LRMDA: variants seen among roughly 807,000 people sequenced by gnomAD.
The protein encoded by LRMDA is leucine-rich melanocyte differentiation-associated protein.
Under a neutral mutation model 29.8 loss-of-function variants are expected in LRMDA, and 18 were observed. That is an observed-to-expected ratio of 0.60 (90% CI 0.42 to 0.90). The LOEUF (loss-of-function observed/expected upper bound fraction) is 0.90, where lower values mean the gene tolerates loss of function less well. LRMDA is among the 40% of genes least tolerant of loss of function. LRMDA has a pLI of 0.00. For missense variants in LRMDA, 273 were observed against 273.9 expected, an observed-to-expected ratio of 1.00 and a Z score of 0.02; for synonymous variants, 125 against 109.4, an observed-to-expected ratio of 1.14 and a Z score of -0.89.
At chr10:76,527,717 T>C (rs1344258131) in intron 6 of LRMDA, among the ~76,000 whole-genome samples, 1 of 152,182 alleles carries the variant, frequency 6.6e-6, no homozygotes, top group Non-Finnish European at 1.5e-5. Flanking sequence ...GTGTTAGCTA[T>C]AATTATTATA....
chr10:76,408,386 C>T (rs1841924006), intron 6 of LRMDA, among the ~76,000 whole-genome samples: 1 of 152,076 alleles, frequency 6.6e-6, no homozygotes. Context: ...ATAATTCTGA[C>T]CTCTGTGGAG....
chr10:75,662,818 C>T (rs1841771002), intron 2 of LRMDA, among the ~76,000 whole-genome samples: 1 of 152,134 alleles, frequency 6.6e-6, no homozygotes, highest in South Asian at 2.1e-4. Context: ...TTTTTGGCAG[C>T]CTGGAGAATA....
At chr10:75,663,366 C>G (rs1319161869) in intron 2 of LRMDA, among the ~76,000 whole-genome samples, 1 of 152,172 alleles carries the variant, frequency 6.6e-6, no homozygotes, top group Non-Finnish European at 1.5e-5. Context: ...AAAGGATTCT[C>G]TGATTACCAA....
chr10:76,284,288 T>C (rs1364674679), intron 5 of LRMDA, among the ~76,000 whole-genome samples: 2 of 152,116 alleles, frequency 1.3e-5, no homozygotes, highest in African/African-American at 4.8e-5. Flanking sequence ...CGAAGAGGAC[T>C]CAGGGAAGTC....
intron 2 of LRMDA, among the ~76,000 whole-genome samples, chr10:75,892,272 A>G (rs1281887419): frequency 2.0e-5 from 3 of 152,216 alleles, no homozygotes; most frequent in East Asian, 3.8e-4. Context: ...CTGCCTGTCT[A>G]TGCCAACTCC....
intron 3 of LRMDA, among the ~76,000 whole-genome samples, chr10:76,044,142 T>TA (rs976781876): frequency 4.9e-4 from 74 of 152,214 alleles, no homozygotes; most frequent in African/African-American, 1.7e-3. Flanking sequence ...CTTGAGGTTT[T>TA]AAGACAGCCT....
intron 2 of LRMDA, among the ~76,000 whole-genome samples, chr10:75,836,175 G>T (rs551740228): frequency 1.3e-5 from 2 of 152,194 alleles, no homozygotes. Flanking sequence ...CCGAAGGTCC[G>T]TGTCTCCAGT....
At chr10:76,178,637 C>T (rs965037077) in intron 5 of LRMDA, among the ~76,000 whole-genome samples, 6 of 152,156 alleles carry the variant, frequency 3.9e-5, no homozygotes, top group Non-Finnish European at 8.8e-5. Flanking sequence ...ACAATTTTGC[C>T]TAAGGCCAGC....
chr10:76,493,683 G>A (rs1842855580), intron 6 of LRMDA, among the ~76,000 whole-genome samples: 1 of 151,888 alleles, frequency 6.6e-6, no homozygotes, highest in African/African-American at 2.4e-5. Flanking sequence ...AGTTCTCCAA[G>A]TTGTTCACCG....
At chr10:76,420,383 C>T (rs1842060505) in intron 6 of LRMDA, among the ~76,000 whole-genome samples, 1 of 151,408 alleles carries the variant, frequency 6.6e-6, no homozygotes, top group African/African-American at 2.4e-5. Context: ...ATTGATACTC[C>T]CCATTTCTTT....
At chr10:75,861,762 GTAGTTCCCTTTTATATC>G (rs1430392421) in intron 2 of LRMDA, among the ~76,000 whole-genome samples, 3 of 152,008 alleles carry the variant, frequency 2.0e-5, no homozygotes, top group Non-Finnish European at 4.4e-5. Flanking sequence ...ACACTTCCTA[GTAGTTCCCTTTTATATC>G]TAGTTCCCTT....
chr10:75,536,963 G>A (rs184684512), intron 2 of LRMDA, among the ~76,000 whole-genome samples: 3 of 152,120 alleles, frequency 2.0e-5, no homozygotes, highest in South Asian at 4.2e-4. Context: ...ACCACCCATC[G>A]TATGCTGGAC....
At chr10:75,872,798 G>C (rs959110579) in intron 2 of LRMDA, among the ~76,000 whole-genome samples, 4 of 152,100 alleles carry the variant, frequency 2.6e-5, no homozygotes, top group East Asian at 1.9e-4. Flanking sequence ...AATCCACCCT[G>C]TTAAATCATC....
chr10:75,491,622 T>C lies in LRMDA; in HGVS notation c.131+53128T>C, dbSNP rs200498547. On this transcript the variant is annotated intron_variant, in intron 2 of 6. Transcript: ENST00000611255. ...TAATAAAAGGCCTTGTCAGTGGCTTTTCTTGTGTAGTCAGCATTGTTTATA... is the reference window on the plus strand; with the variant it reads ...TAATAAAAGGCCTTGTCAGTGGCTTCTCTTGTGTAGTCAGCATTGTTTATA... Among the ~76,000 whole-genome samples, 5 of 152,322 alleles carry C rather than the reference T, an allele frequency of 3.3e-5. No individual in the cohort carries two copies. The East Asian group carries it at 9.6e-4, about 29-fold the overall frequency.
chr10:75,975,643 G>A (rs1025205030), intron 2 of LRMDA, among the ~76,000 whole-genome samples: 6 of 152,248 alleles, frequency 3.9e-5, no homozygotes, highest in East Asian at 1.9e-4. Context: ...AACTCTGAAC[G>A]ATGCACAGAG....
intron 2 of LRMDA, among the ~76,000 whole-genome samples, chr10:75,453,537 G>A (rs973522089): frequency 3.3e-5 from 5 of 152,068 alleles, no homozygotes; most frequent in South Asian, 2.1e-4. Context: ...TTTTTTTCCC[G>A]AAGACTTTTC....
At chr10:76,184,177 C>T (rs988057400) in intron 5 of LRMDA, among the ~76,000 whole-genome samples, 2 of 151,964 alleles carry the variant, frequency 1.3e-5, no homozygotes, top group Non-Finnish European at 1.5e-5. Context: ...ATTACAGGCT[C>T]GCACCACCAC....
intron 6 of LRMDA, among the ~76,000 whole-genome samples, chr10:76,442,304 T>A (rs557414226): frequency 1.3e-5 from 2 of 152,326 alleles, no homozygotes; most frequent in Admixed American, 1.3e-4. Context: ...GGAACACTTA[T>A]CATGTGGCTT....
At chr10:75,971,326 G>A (rs1346633607) in intron 2 of LRMDA, among the ~76,000 whole-genome samples, 6 of 152,162 alleles carry the variant, frequency 3.9e-5, no homozygotes, top group Admixed American at 2.6e-4. Flanking sequence ...AAAACAGGGT[G>A]ATTATGGGGC....
Sources: gnomAD v4.1 joint callset for allele counts (sites outside exome capture counted in the v4.1 genomes callset) on GRCh38, gnomAD v4.1.1 for gene constraint, MANE v1.5 for transcripts, NCBI Gene and HGNC (gene_info 2026-07-23, HGNC 2026-07-21) for gene names.